Variants in S100Z observed in about 807,000 individuals in gnomAD.
S100Z encodes the protein S100 calcium binding protein Z, also known as protein S100-Z.
In S100Z, 11 loss-of-function variants were observed where a neutral mutation model predicts 8.5. The observed-to-expected ratio is 1.30, with a 90% confidence interval of 0.82 to 2.15. The LOEUF is 2.15. Ranked by LOEUF, S100Z falls within the 30% of genes most tolerant of loss-of-function variation. The pLI, the probability that S100Z is intolerant of heterozygous loss-of-function variation, is 0.00. For synonymous variants in S100Z, 34 were observed against 43.8 expected (o/e 0.78, Z 0.89); for missense variants, 126 against 117.9 (o/e 1.07, Z -0.32).
chr5:76,937,617 G>A, the S100Z span, among the ~76,000 whole-genome samples: 3 of 151,756 alleles, frequency 2.0e-5, no homozygotes, highest in Non-Finnish European at 4.4e-5. Context: ...GCTGGATGTG[G>A]TGGCACACAT....
intron 4 of S100Z, among the ~76,000 whole-genome samples, chr5:76,892,252 CT>C (rs1743887253): frequency 6.6e-6 from 1 of 152,182 alleles, no homozygotes; most frequent in Admixed American, 6.5e-5. Context: ...ATGCATCCTA[CT>C]CTTTCAGATG....
rs781418397 is a variant in S100Z, at chr5:76,875,473, G to A, written c.114G>A (p.Leu38=). 5 of 1,611,244 alleles carry A rather than the reference G, an allele frequency of 3.1e-6. No individual in the cohort carries two copies. The South Asian group carries it at 4.4e-5, about 14-fold the overall frequency. Residue 38 remains leucine (L), a synonymous_variant, in exon 3 of 5, where the codon CTG becomes CTA. Coordinates refer to ENST00000317593, the MANE Select transcript of S100Z (RefSeq NM_130772.4). ...GCAAGGGGGAACTGAAACTGCTCCT[G>A]CAGCGAGAGCTCACGGAATTCCTCT... ...KLSKGELKLL[L]QRELTEFLSC... is the part of the protein sequence containing the mutation.
At chr5:76,866,129 G>A (rs938928712) in intron 1 of S100Z, among the ~76,000 whole-genome samples, 6 of 151,428 alleles carry the variant, frequency 4.0e-5, no homozygotes, top group Non-Finnish European at 8.8e-5. Context: ...CTGTCACCCA[G>A]GCTGGAGTGC....
At chr5:76,938,514 C>G in the S100Z span, among the ~76,000 whole-genome samples, 3 of 152,212 alleles carry the variant, frequency 2.0e-5, no homozygotes, top group African/African-American at 7.2e-5. Context: ...GAGGCTGCTT[C>G]TGAAGCCTTC....
At chr5:76,901,870 T>C (rs1744242286) in intron 4 of S100Z, among the ~76,000 whole-genome samples, 1 of 151,180 alleles carries the variant, frequency 6.6e-6, no homozygotes, top group South Asian at 2.1e-4. Flanking sequence ...CACAGTGTAG[T>C]ACCTGGGTAT....
At chr5:76,940,371 A>G in the S100Z span, among the ~76,000 whole-genome samples, 1 of 151,698 alleles carries the variant, frequency 6.6e-6, no homozygotes, top group Non-Finnish European at 1.5e-5. Flanking sequence ...GGGAATAACT[A>G]TAGGTGAATG....
downstream of S100Z, among the ~76,000 whole-genome samples, chr5:76,922,569 A>C (rs183174104): frequency 6.6e-6 from 1 of 152,002 alleles, no homozygotes; most frequent in South Asian, 2.1e-4. Flanking sequence ...TCCGTTGCCC[A>C]AGCTGAAGTG....
intron 4 of S100Z, among the ~76,000 whole-genome samples, chr5:76,916,876 A>G (rs951126816): frequency 3.9e-5 from 6 of 152,202 alleles, no homozygotes; most frequent in African/African-American, 1.4e-4. Flanking sequence ...CTTTAATCCC[A>G]ATACTTTGTG....
At chr5:76,876,477 T>C (rs1269339145) in intron 3 of S100Z, among the ~76,000 whole-genome samples, 3 of 152,060 alleles carry the variant, frequency 2.0e-5, no homozygotes, top group African/African-American at 7.2e-5. Context: ...CGAGTGATTC[T>C]TGTGCCTCAG....
intron 4 of S100Z, among the ~76,000 whole-genome samples, chr5:76,891,469 G>C (rs1428223172): frequency 6.6e-6 from 1 of 152,162 alleles, no homozygotes; most frequent in African/African-American, 2.4e-5. Flanking sequence ...ATCTGACTGA[G>C]AACTGTCTAG....
At chr5:76,927,116 A>G in the S100Z span, among the ~76,000 whole-genome samples, 1 of 152,216 alleles carries the variant, frequency 6.6e-6, no homozygotes, top group Admixed American at 6.5e-5. Context: ...CTCAAAGCAA[A>G]GACACTGACC....
the S100Z span, among the ~76,000 whole-genome samples, chr5:76,946,033 G>A: frequency 2.0e-5 from 3 of 152,106 alleles, no homozygotes; most frequent in South Asian, 2.1e-4. Flanking sequence ...CAGGCATCTC[G>A]CTTTAGGCTG....
chr5:76,885,277 A>T (rs980462896), intron 4 of S100Z, among the ~76,000 whole-genome samples: 2 of 152,092 alleles, frequency 1.3e-5, no homozygotes, highest in Non-Finnish European at 2.9e-5. Flanking sequence ...AGACATGGAG[A>T]GAAGGGGTAG....
At chr5:76,910,447 C>T (rs1359855134) in intron 4 of S100Z, among the ~76,000 whole-genome samples, 1 of 152,192 alleles carries the variant, frequency 6.6e-6, no homozygotes, top group Non-Finnish European at 1.5e-5. Context: ...TCATGGCCCT[C>T]ACACAAACAA....
Position 76,906,972 on chromosome 5 carries a change from GTGTGTATATATATATATATATATA to G in S100Z, c.*3-13743_*3-13720del, listed in dbSNP as rs1157108383. On this transcript the variant is annotated intron_variant, in intron 4 of 4. Transcript: ENST00000317593. ...AAGGCTGAATAGTATTCCATTGTGT[GTGTGTATATATATATATATATATA>G]TATATATATATATATATATATATAT... 9.5e-3 allele frequency among the ~76,000 whole-genome samples: 288 copies of G among 30,448 alleles called. 7 individuals are homozygous for G. The highest frequency in any genetic ancestry group is 0.033 in the African/African-American group (271 of 8,126). The allele number at this position is 30,448 out of a possible 152,430, so 20.0% of individuals were successfully genotyped here.
At chr5:76,861,257 C>T (rs551086641) in intron 1 of S100Z, among the ~76,000 whole-genome samples, 38 of 152,192 alleles carry the variant, frequency 2.5e-4, no homozygotes, top group African/African-American at 8.9e-4. Flanking sequence ...TAGATCTCTC[C>T]GTAGGACTTC....
chr5:76,870,654 G>C (rs1742976689), intron 2 of S100Z, among the ~76,000 whole-genome samples: 1 of 151,856 alleles, frequency 6.6e-6, no homozygotes, highest in South Asian at 2.1e-4. Flanking sequence ...TGAAAAGCTT[G>C]TGGGACATTC....
At chr5:76,893,882 G>A (rs192815617) in intron 4 of S100Z, among the ~76,000 whole-genome samples, 178 of 152,216 alleles carry the variant, frequency 1.2e-3, no homozygotes, top group African/African-American at 4.0e-3. Flanking sequence ...CTTGGATTGT[G>A]TTCTCTGATT....
At chr5:76,857,498 ATTT>A (rs11317478) in intron 1 of S100Z, among the ~76,000 whole-genome samples, 9 of 125,310 alleles carry the variant, frequency 7.2e-5, no homozygotes, top group South Asian at 2.6e-4. Context: ...TCCTGCCCCC[ATTT>A]TTTTTTTTTT....
Sources: gnomAD v4.1 joint callset for allele counts (sites outside exome capture counted in the v4.1 genomes callset) on GRCh38, gnomAD v4.1.1 for gene constraint, MANE v1.5 for transcripts, NCBI Gene and HGNC (gene_info 2026-07-23, HGNC 2026-07-21) for gene names.